Variants in DYM observed in about 807,000 individuals in gnomAD.
The protein encoded by DYM is dyggve-Melchior-Clausen syndrome protein.
In DYM, 78 loss-of-function variants were observed where a neutral mutation model predicts 93.1. The ratio of observed to expected loss-of-function variants is 0.84; its 90% CI spans 0.70 to 1.01. The LOEUF (loss-of-function observed/expected upper bound fraction) is 1.01, where lower values mean the gene tolerates loss of function less well. Among genes scored for constraint, DYM ranks in the 50% least tolerant of loss-of-function variants. The pLI is 0.00. For missense variants in DYM, 789 were observed against 845.0 expected, an observed-to-expected ratio of 0.93 and a Z score of 0.82; for synonymous variants, 321 against 319.7, an observed-to-expected ratio of 1.00 and a Z score of -0.04.
intron 14 of DYM, among the ~76,000 whole-genome samples, chr18:49,193,203 A>T (rs569555194): frequency 2.4e-4 from 36 of 151,996 alleles, no homozygotes; most frequent in African/African-American, 6.7e-4. Context: ...AAATAAAATT[A>T]AAAAAAATTA....
intron 8 of DYM, among the ~76,000 whole-genome samples, chr18:49,291,940 C>T (rs2060136895): frequency 6.6e-6 from 1 of 152,146 alleles, no homozygotes; most frequent in East Asian, 1.9e-4. Flanking sequence ...TTCTTCCACT[C>T]AGAGTATGCT....
intron 17 of DYM, among the ~76,000 whole-genome samples, chr18:49,045,143 G>A (rs2071309950): frequency 6.6e-6 from 1 of 152,204 alleles, no homozygotes; most frequent in Non-Finnish European, 1.5e-5. Flanking sequence ...CTTGTCCCAG[G>A]TTGGGTGGGG....
At position 49,162,108 on chromosome 18, in the gene DYM, C is replaced by T. The variant is rs542828458; in HGVS notation, c.1728+1577G>A. Among the ~76,000 whole-genome samples, 20 of 152,294 alleles carry T rather than the reference C, an allele frequency of 1.3e-4. No individual in the cohort carries two copies. The South Asian group carries it at 4.1e-3, about 32-fold the overall frequency. On this transcript the variant is annotated intron_variant, in intron 15 of 17. Coordinates refer to ENST00000675505, the MANE Select transcript of DYM (RefSeq NM_001353214.3). ...CCATATTCCAAAATATAAGAAATGT[C>T]ACAGGTAGTCACACTACTTTAAGAA...
At chr18:49,401,801 G>A (rs1202277123) in intron 2 of DYM, among the ~76,000 whole-genome samples, 1 of 152,046 alleles carries the variant, frequency 6.6e-6, no homozygotes, top group Non-Finnish European at 1.5e-5. Flanking sequence ...TGAAGCGGGT[G>A]GATCACCTGA....
intron 8 of DYM, among the ~76,000 whole-genome samples, chr18:49,302,294 A>C (rs753422486): frequency 3.3e-5 from 5 of 152,222 alleles, no homozygotes; most frequent in Non-Finnish European, 5.9e-5. Flanking sequence ...TGCAACATTA[A>C]ACAATGATAC....
intron 13 of DYM, among the ~76,000 whole-genome samples, chr18:49,220,649 T>C (rs2093312831): frequency 1.3e-5 from 2 of 152,142 alleles, no homozygotes; most frequent in African/African-American, 4.8e-5. Flanking sequence ...AAACAATCAA[T>C]GGGGAAAGGA....
At chr18:49,291,950 T>C (rs770827223) in intron 8 of DYM, among the ~76,000 whole-genome samples, 2 of 152,168 alleles carry the variant, frequency 1.3e-5, no homozygotes, top group Non-Finnish European at 2.9e-5. Flanking sequence ...CAGAGTATGC[T>C]CCATGACAGT....
At chr18:49,353,942 T>C (rs1362031395) in intron 6 of DYM, among the ~76,000 whole-genome samples, 1 of 151,990 alleles carries the variant, frequency 6.6e-6, no homozygotes, top group Non-Finnish European at 1.5e-5. Context: ...TCTAAAGTTA[T>C]ACAGAAAAGC....
intron 14 of DYM, among the ~76,000 whole-genome samples, chr18:49,204,805 T>C (rs1280460716): frequency 6.6e-6 from 1 of 152,218 alleles, no homozygotes; most frequent in Non-Finnish European, 1.5e-5. Flanking sequence ...AAATTCTAAA[T>C]TTGATTTCTA....
Position 49,398,835 on chromosome 18 carries a change from C to T in DYM, c.141-7190G>A, listed in dbSNP as rs2070435610. 3.9e-5 allele frequency among the ~76,000 whole-genome samples: 6 copies of T among 152,162 alleles called. No individual in the cohort carries two copies. The South Asian group carries it at 1.2e-3, about 32-fold the overall frequency. ...ATTAGTAGTTGGCAAGAAATGGGAA[C>T]TATGAATTACTCGGTTTATTGGTTA... is the stretch of plus-strand genomic sequence containing the variant. On this transcript the variant is annotated intron_variant, in intron 2 of 17. Transcript: ENST00000675505.
intron 17 of DYM, among the ~76,000 whole-genome samples, chr18:49,056,790 G>A (rs909218682): frequency 9.9e-5 from 15 of 151,446 alleles, no homozygotes; most frequent in Admixed American, 2.6e-4. Context: ...CTCATGATCC[G>A]CCCACCTTGG....
intron 11 of DYM, among the ~76,000 whole-genome samples, chr18:49,265,670 C>T (rs947577231): frequency 6.7e-6 from 1 of 149,568 alleles, no homozygotes; most frequent in African/African-American, 2.5e-5. Flanking sequence ...CCCAGCTACT[C>T]GGGAGGCTGA....
rs139745963 is a variant in DYM at position 49,137,362 on chromosome 18, C to T, written c.1729-18436G>A. 2.6e-3 allele frequency among the ~76,000 whole-genome samples: 398 copies of T among 152,306 alleles called. 2 individuals are homozygous for T. The highest frequency in any genetic ancestry group is 9.0e-3 in the African/African-American group (376 of 41,564). On this transcript the variant is annotated intron_variant, in intron 15 of 17. Coordinates refer to ENST00000675505, the MANE Select transcript of DYM (RefSeq NM_001353214.3). The stretch of plus-strand genomic sequence containing the variant: ...CAAAAGACCTCAGTTCTAGACCTGA[C>T]TCTGCTAAATAATCACCTCAGAGTT...
chr18:49,288,850 T>C (rs1027102028), intron 8 of DYM, among the ~76,000 whole-genome samples: 1 of 151,970 alleles, frequency 6.6e-6, no homozygotes, highest in African/African-American at 2.4e-5. Flanking sequence ...AAATTCAGTA[T>C]AATAACCATC....
chr18:49,423,346 C>T (rs1164377165), intron 2 of DYM, among the ~76,000 whole-genome samples: 16 of 151,928 alleles, frequency 1.1e-4, no homozygotes, highest in Non-Finnish European at 1.8e-4. Context: ...TTGAAACCAA[C>T]GAGAACAAAG....
chr18:49,123,985 CTAAGTA>C (rs1475943559), intron 15 of DYM, among the ~76,000 whole-genome samples: 15 of 152,284 alleles, frequency 9.9e-5, no homozygotes, highest in African/African-American at 2.6e-4. Flanking sequence ...CTCACTTATG[CTAAGTA>C]TAAGTGCTGA....
At chr18:49,293,567 C>T (rs2060316254) in intron 8 of DYM, among the ~76,000 whole-genome samples, 1 of 152,310 alleles carries the variant, frequency 6.6e-6, no homozygotes, top group South Asian at 2.1e-4. Flanking sequence ...TTGCATTTCT[C>T]TAATGACCAG....
At chr18:49,070,479 C>A (rs1344610641) in intron 17 of DYM, among the ~76,000 whole-genome samples, 1 of 152,180 alleles carries the variant, frequency 6.6e-6, no homozygotes, top group Non-Finnish European at 1.5e-5. Flanking sequence ...CTGTCCACGG[C>A]CATTCTTCAT....
intron 13 of DYM, among the ~76,000 whole-genome samples, chr18:49,230,695 T>C (rs887148775): frequency 2.6e-5 from 4 of 152,156 alleles, no homozygotes; most frequent in African/African-American, 9.7e-5. Context: ...TCAGAGGAAA[T>C]AGTCAATGAA....
Sources: allele counts gnomAD v4.1 joint callset (sites outside exome capture counted in the v4.1 genomes callset), GRCh38; gene constraint gnomAD v4.1.1; transcripts MANE v1.5; gene names NCBI Gene and HGNC (gene_info 2026-07-23, HGNC 2026-07-21).